EYS: variants seen among roughly 807,000 people sequenced by gnomAD.
The protein encoded by EYS is protein eyes shut homolog.
In EYS, 250 loss-of-function variants were observed where a neutral mutation model predicts 282.1. That is an observed-to-expected ratio of 0.89 (90% confidence interval 0.80 to 0.98). EYS has a LOEUF of 0.98. Ranked by LOEUF, EYS falls within the 50% of genes least tolerant of loss-of-function variation. The pLI, the probability that EYS is intolerant of heterozygous loss-of-function variation, is 0.00. For missense variants in EYS, 4,016 were observed against 3,709.0 expected (o/e 1.08, Z -2.15); for synonymous variants, 1,355 against 1,282.9 (o/e 1.06, Z -1.20).
intron 9 of EYS, among the ~76,000 whole-genome samples, chr6:65,350,263 T>C (rs1770548946): frequency 6.6e-6 from 1 of 151,434 alleles, no homozygotes; most frequent in Admixed American, 6.6e-5. Context: ...AAAAATAGAT[T>C]TTGATAAAGA....
At chr6:63,971,138 A>G (rs559326774) in intron 35 of EYS, among the ~76,000 whole-genome samples, 1 of 152,346 alleles carries the variant, frequency 6.6e-6, no homozygotes, top group South Asian at 2.1e-4. Context: ...AAAGTTGTAA[A>G]GTAGAACAGG....
At chr6:65,627,747 T>G (rs1273086341) in intron 2 of EYS, among the ~76,000 whole-genome samples, 1 of 152,166 alleles carries the variant, frequency 6.6e-6, no homozygotes, top group Non-Finnish European at 1.5e-5. Context: ...GATGCTGCGC[T>G]CGATTTCTCA....
At chr6:64,082,047 G>A (rs887048922) in intron 31 of EYS, 45 bp from the exon 32 acceptor site, 7 of 1,276,598 alleles carry the variant, frequency 5.5e-6, no homozygotes, top group African/African-American at 1.5e-5. Flanking sequence ...GCATTATATT[G>A]CTACTCAAGT....
intron 26 of EYS, among the ~76,000 whole-genome samples, chr6:64,565,969 AC>A (rs920754107): frequency 9.3e-5 from 14 of 151,204 alleles, no homozygotes; most frequent in South Asian, 2.1e-4. Flanking sequence ...AAAAAAAAAA[AC>A]ACCAAGCATT....
intron 30 of EYS, among the ~76,000 whole-genome samples, chr6:64,288,952 A>G (rs915023017): frequency 6.6e-6 from 1 of 151,948 alleles, no homozygotes; most frequent in Non-Finnish European, 1.5e-5. Context: ...TTTCTTATTC[A>G]AAAAACCTCC....
chr6:65,167,944 A>G (rs1223605345), intron 12 of EYS, among the ~76,000 whole-genome samples: 2 of 150,790 alleles, frequency 1.3e-5, no homozygotes, highest in Non-Finnish European at 3.0e-5. Context: ...CTTTGTTTCG[A>G]TTTTAGAATT....
intron 31 of EYS, 69 bp from the exon 32 acceptor site, chr6:64,082,071 G>A: frequency 1.9e-6 from 2 of 1,063,592 alleles, no homozygotes; most frequent in Non-Finnish European, 2.7e-6. Context: ...TAAAAACTTA[G>A]CATTTATAGT....
At chr6:65,367,601 A>T (rs1045837546) in intron 8 of EYS, among the ~76,000 whole-genome samples, 1 of 151,654 alleles carries the variant, frequency 6.6e-6, no homozygotes, top group Non-Finnish European at 1.5e-5. Flanking sequence ...GTTTTAATTT[A>T]TTTTATCACT....
chr6:64,719,291 C>T (rs1222996612), intron 22 of EYS, among the ~76,000 whole-genome samples: 2 of 152,174 alleles, frequency 1.3e-5, no homozygotes, highest in Admixed American at 6.5e-5. Flanking sequence ...TCCATCCATA[C>T]TTCTGACCTA....
intron 35 of EYS, among the ~76,000 whole-genome samples, chr6:63,909,187 T>C (rs1367701855): frequency 6.6e-6 from 1 of 152,200 alleles, no homozygotes; most frequent in Non-Finnish European, 1.5e-5. Flanking sequence ...CTGATTTTTA[T>C]GGAAATCCTT....
intron 36 of EYS, among the ~76,000 whole-genome samples, chr6:63,860,454 C>T (rs1424807386): frequency 2.0e-5 from 3 of 152,084 alleles, no homozygotes; most frequent in East Asian, 3.9e-4. Flanking sequence ...TGTAGGGAAA[C>T]CTTCAATCAA....
intron 35 of EYS, among the ~76,000 whole-genome samples, chr6:63,936,277 A>C (rs1765054315): frequency 6.6e-6 from 1 of 152,196 alleles, no homozygotes; most frequent in African/African-American, 2.4e-5. Context: ...TGGCTATACA[A>C]ATGCCAATTT....
intron 2 of EYS, among the ~76,000 whole-genome samples, chr6:65,590,868 A>C (rs1275175611): frequency 7.2e-6 from 1 of 139,152 alleles, no homozygotes; most frequent in Admixed American, 7.2e-5. Flanking sequence ...TTTTTTTTTT[A>C]TCCATTCTTC....
chr6:64,937,543 T>A (rs879403883), intron 15 of EYS, among the ~76,000 whole-genome samples: 1 of 151,646 alleles, frequency 6.6e-6, no homozygotes, highest in Non-Finnish European at 1.5e-5. Context: ...TAAGATGAGC[T>A]GTATTATTAG....
chr6:64,087,236 C>T (rs1174443288), intron 31 of EYS, among the ~76,000 whole-genome samples: 3 of 152,122 alleles, frequency 2.0e-5, no homozygotes, highest in African/African-American at 7.2e-5. Context: ...GAATTCAACG[C>T]ATTCAACAAA....
intron 26 of EYS, among the ~76,000 whole-genome samples, chr6:64,556,360 G>A (rs1765232621): frequency 2.6e-5 from 4 of 151,936 alleles, no homozygotes; most frequent in Admixed American, 2.6e-4. Flanking sequence ...AATGTGGTAA[G>A]TGAAGGAAGC....
intron 35 of EYS, among the ~76,000 whole-genome samples, chr6:63,899,756 C>A (rs1036989423): frequency 6.6e-6 from 1 of 152,222 alleles, no homozygotes; most frequent in Non-Finnish European, 1.5e-5. Context: ...CCTTGCTCAA[C>A]TGTAAGGCCT....
rs368639469 is a variant in EYS at position 64,093,502 on chromosome 6, G to T, written c.6425-11500C>A. Among the ~76,000 whole-genome samples, 37 of 152,092 alleles carry T rather than the reference G, an allele frequency of 2.4e-4. No homozygotes were observed. The South Asian group carries it at 5.0e-3, about 21-fold the overall frequency. On this transcript the variant is annotated intron_variant, in intron 31 of 42. Transcript: ENST00000503581. The stretch of plus-strand genomic sequence containing the variant: ...GTCAGTTGGATTCCTAGGTATTTTA[G>T]TCTCTTTGAAGCAATTGTGAATGGG...
chr6:65,165,637 C>T (rs1267408572), intron 12 of EYS, among the ~76,000 whole-genome samples: 1 of 150,926 alleles, frequency 6.6e-6, no homozygotes, highest in Non-Finnish European at 1.5e-5. Context: ...AAAGAAAATC[C>T]TCAGCTACAT....
Sources: allele counts gnomAD v4.1 joint callset (sites outside exome capture counted in the v4.1 genomes callset), GRCh38; gene constraint gnomAD v4.1.1; transcripts MANE v1.5; gene names NCBI Gene and HGNC (gene_info 2026-07-23, HGNC 2026-07-21).